XKR4: variants seen among roughly 807,000 people sequenced by gnomAD.
The protein encoded by XKR4 is XK-related protein 4.
In XKR4, 12 loss-of-function variants were observed where a neutral mutation model predicts 53.9. The ratio of observed to expected loss-of-function variants is 0.22; its 90% CI spans 0.14 to 0.36. XKR4 has a LOEUF of 0.36. Among genes scored for constraint, XKR4 ranks in the 10% least tolerant of loss-of-function variants. XKR4 has a pLI of 1.00. For synonymous variants in XKR4, 354 were observed against 362.4 expected (o/e 0.98, Z 0.26); for missense variants, 799 against 859.5 (o/e 0.93, Z 0.88).
intron 1 of XKR4, among the ~76,000 whole-genome samples, chr8:55,312,718 A>T (rs2129378443): frequency 6.6e-6 from 1 of 152,324 alleles, no homozygotes; most frequent in South Asian, 2.1e-4. Flanking sequence ...TTTTATGAGC[A>T]TCTATTTTAT....
chr8:55,476,420 AACACATCTGAG>A (rs1805985279), intron 2 of XKR4, among the ~76,000 whole-genome samples: 1 of 152,140 alleles, frequency 6.6e-6, no homozygotes, highest in South Asian at 2.1e-4. Flanking sequence ...GTTAGAAATA[AACACATCTGAG>A]CCAAGATGGC....
At chr8:55,381,045 T>A (rs1183573970) in intron 2 of XKR4, among the ~76,000 whole-genome samples, 1 of 152,220 alleles carries the variant, frequency 6.6e-6, no homozygotes, top group Non-Finnish European at 1.5e-5. Flanking sequence ...AATTAGATGC[T>A]GATGCATTAA....
At chr8:55,209,375 G>C (rs939049858) in intron 1 of XKR4, among the ~76,000 whole-genome samples, 2 of 152,104 alleles carry the variant, frequency 1.3e-5, no homozygotes, top group African/African-American at 4.8e-5. Context: ...TAATCTGCTC[G>C]TCACTTAGAG....
chr8:55,308,254 A>G (rs868118792), intron 1 of XKR4, among the ~76,000 whole-genome samples: 3 of 152,160 alleles, frequency 2.0e-5, no homozygotes, highest in South Asian at 2.1e-4. Flanking sequence ...CTCCATCTCA[A>G]AAAACAAAAA....
chr8:55,262,840 TGGGCTGGAGGCGTCCCGTAG>T (rs1435900086), intron 1 of XKR4, among the ~76,000 whole-genome samples: 2 of 152,222 alleles, frequency 1.3e-5, no homozygotes, highest in African/African-American at 4.8e-5. Context: ...GAAACTGTCA[TGGGCTGGAGGCGTCCCGTAG>T]GCTAGATGGA....
chr8:55,248,806 G>A (rs1818327012), intron 1 of XKR4, among the ~76,000 whole-genome samples: 1 of 151,872 alleles, frequency 6.6e-6, no homozygotes, highest in Admixed American at 6.6e-5. Context: ...CCTGCCTGCA[G>A]GCTGGAGTCT....
At chr8:55,453,344 C>A in intron 2 of XKR4, 2 of 473,772 alleles carry the variant, frequency 4.2e-6, no homozygotes, top group South Asian at 1.6e-5. Context: ...CAGGACCACC[C>A]AGTTCTGTTG....
At chr8:55,116,800 T>C (rs1816314833) in intron 1 of XKR4, among the ~76,000 whole-genome samples, 1 of 152,116 alleles carries the variant, frequency 6.6e-6, no homozygotes, top group Non-Finnish European at 1.5e-5. Flanking sequence ...TCAGTGTTCT[T>C]AAATGTTTCC....
chr8:55,389,448 G>A lies in XKR4; in HGVS notation c.1006+31571G>A, dbSNP rs1804412236. Among the ~76,000 whole-genome samples, 3 of 152,256 alleles carry A rather than the reference G, an allele frequency of 2.0e-5. No individual in the cohort carries two copies. The South Asian group carries it at 6.2e-4, about 32-fold the overall frequency. Reference sequence around the variant, plus strand: ...TAAAACTAATATTTTACAATAAAGAGCAATATAAGATGAAGACTACATACT... The same window carrying A: ...TAAAACTAATATTTTACAATAAAGAACAATATAAGATGAAGACTACATACT... On this transcript the variant is annotated intron_variant, in intron 2 of 2. Coordinates refer to ENST00000327381, the MANE Select transcript of XKR4 (RefSeq NM_052898.2).
At chr8:55,277,671 G>A (rs1818783210) in intron 1 of XKR4, among the ~76,000 whole-genome samples, 1 of 152,096 alleles carries the variant, frequency 6.6e-6, no homozygotes, top group Non-Finnish European at 1.5e-5. Context: ...TCAGATGTTG[G>A]AGCATTTTGC....
chr8:55,309,616 T>C (rs925821159), intron 1 of XKR4, among the ~76,000 whole-genome samples: 2 of 152,208 alleles, frequency 1.3e-5, no homozygotes, highest in African/African-American at 4.8e-5. Context: ...TGGTGGAGTG[T>C]TATCATGTCA....
chr8:55,437,126 A>T (rs1166952731), intron 2 of XKR4, among the ~76,000 whole-genome samples: 1 of 152,180 alleles, frequency 6.6e-6, no homozygotes, highest in African/African-American at 2.4e-5. Context: ...AGTATTAATA[A>T]TCTCATATCC....
rs543066094 is a variant in XKR4 at position 55,465,286 on chromosome 8, G to A, written c.1007-57995G>A. Among the ~76,000 whole-genome samples the A allele has an allele frequency of 5.3e-5, 8 of 152,222 alleles. No individual in the cohort carries two copies. The East Asian group carries it at 1.5e-3, about 29-fold the overall frequency. ...ACAGCATGGTACTGGTACCAAAACA[G>A]AGATATAGACCAAAGGAACATAACA... On this transcript the variant is annotated intron_variant, in intron 2 of 2. Transcript: ENST00000327381.
chr8:55,375,541 C>A (rs1804133335), intron 2 of XKR4, among the ~76,000 whole-genome samples: 1 of 152,194 alleles, frequency 6.6e-6, no homozygotes, highest in Non-Finnish European at 1.5e-5. Flanking sequence ...CACCTGCTGG[C>A]TCCTGTCCTC....
At chr8:55,509,484 T>C (rs1247693289) in intron 2 of XKR4, among the ~76,000 whole-genome samples, 1 of 152,230 alleles carries the variant, frequency 6.6e-6, no homozygotes, top group Non-Finnish European at 1.5e-5. Flanking sequence ...AAACAGAATT[T>C]TGTTATTTAA....
chr8:55,365,476 G>A (rs891236291), intron 2 of XKR4, among the ~76,000 whole-genome samples: 1 of 152,160 alleles, frequency 6.6e-6, no homozygotes, highest in East Asian at 1.9e-4. Context: ...AGGCCAAGGC[G>A]GGCGGATCAC....
intron 2 of XKR4, among the ~76,000 whole-genome samples, chr8:55,471,685 T>C (rs1445490848): frequency 6.6e-6 from 1 of 152,202 alleles, no homozygotes; most frequent in African/African-American, 2.4e-5. Flanking sequence ...TGGGGCCTGG[T>C]GGGAGGTGAT....
chr8:55,262,563 A>G (rs1231416172), intron 1 of XKR4, among the ~76,000 whole-genome samples: 1 of 152,204 alleles, frequency 6.6e-6, no homozygotes, highest in Non-Finnish European at 1.5e-5. Flanking sequence ...TCTCACATGC[A>G]CTGAGGAAAG....
chr8:55,150,776 CATGGGTAG>C (rs1310936220), intron 1 of XKR4, among the ~76,000 whole-genome samples: 1 of 152,136 alleles, frequency 6.6e-6, no homozygotes, highest in African/African-American at 2.4e-5. Flanking sequence ...GTTCAAGCTC[CATGGGTAG>C]ATGATGGTGT....
Sources: gnomAD v4.1 joint callset for allele counts (sites outside exome capture counted in the v4.1 genomes callset) on GRCh38, gnomAD v4.1.1 for gene constraint, MANE v1.5 for transcripts, NCBI Gene and HGNC (gene_info 2026-07-23, HGNC 2026-07-21) for gene names.